Variants in SPINK9 observed in about 807,000 individuals in gnomAD.
SPINK9 encodes serine protease inhibitor Kazal-type 9.
A neutral mutation model predicts 10.8 loss-of-function variants in SPINK9; 3 were observed. The observed-to-expected ratio is 0.28, with a 90% CI of 0.13 to 0.72. SPINK9 has a LOEUF of 0.72. SPINK9 is among the 30% of genes least tolerant of loss of function. The pLI, the probability that SPINK9 is intolerant of heterozygous loss-of-function variation, is 0.74. For synonymous variants in SPINK9, 30 were observed against 31.2 expected (o/e 0.96, Z 0.12); for missense variants, 101 against 103.2 (o/e 0.98, Z 0.09).
At chr5:148,333,618 G>A (rs986330436), upstream of SPINK9, among the ~76,000 whole-genome samples, 1 of 152,206 alleles carries the variant, frequency 6.6e-6, no homozygotes, top group African/African-American at 2.4e-5. Flanking sequence ...TCTGGGTGTT[G>A]CCATGGCAAT....
chr5:148,327,477 T>A (rs1451093587), intron 2 of SPINK9, among the ~76,000 whole-genome samples: 1 of 152,194 alleles, frequency 6.6e-6, no homozygotes, highest in Admixed American at 6.5e-5. Context: ...CTGATGGTGG[T>A]TTCTTTTGCT....
At chr5:148,330,554 T>G (rs967060338) in intron 2 of SPINK9, among the ~76,000 whole-genome samples, 2 of 152,210 alleles carry the variant, frequency 1.3e-5, no homozygotes, top group African/African-American at 4.8e-5. Flanking sequence ...CACTATGATG[T>G]TAGCTGGTTA....
chr5:148,335,103 C>T (rs1370914172), upstream of SPINK9, among the ~76,000 whole-genome samples: 1 of 152,178 alleles, frequency 6.6e-6, no homozygotes, highest in African/African-American at 2.4e-5. Context: ...TCCAATTCTA[C>T]CTACAACACC....
At chr5:148,323,669 C>T in intron 1 of SPINK9, 1 of 537,836 alleles carries the variant, frequency 1.9e-6, no homozygotes. Context: ...TAAAATTTTA[C>T]CTTTTGAAGG....
At chr5:148,337,340 GCATA>G (rs1198530600) in intron 2 of SPINK9, among the ~76,000 whole-genome samples, 4 of 152,156 alleles carry the variant, frequency 2.6e-5, no homozygotes, top group Non-Finnish European at 4.4e-5. Context: ...ATTATGCCAT[GCATA>G]CCTATCTTTG....
chr5:148,333,795 A>C (rs1440623774), upstream of SPINK9, among the ~76,000 whole-genome samples: 3 of 152,100 alleles, frequency 2.0e-5, no homozygotes, highest in African/African-American at 7.2e-5. Context: ...TGAAAAACTT[A>C]TTTCTCTGTA....
At chr5:148,337,774 AT>A (rs574352421) in intron 2 of SPINK9, among the ~76,000 whole-genome samples, 59 of 152,246 alleles carry the variant, frequency 3.9e-4, no homozygotes, top group African/African-American at 1.4e-3. Flanking sequence ...AGGTAAAAAA[AT>A]TTTTACAGGG....
intron 3 of SPINK9, among the ~76,000 whole-genome samples, chr5:148,338,980 T>C (rs1757253502): frequency 6.6e-6 from 1 of 152,142 alleles, no homozygotes; most frequent in South Asian, 2.1e-4. Flanking sequence ...CATCCACATC[T>C]GGTAGAATGA....
At chr5:148,321,812 T>G (rs1417209373) in intron 1 of SPINK9, among the ~76,000 whole-genome samples, 1 of 152,172 alleles carries the variant, frequency 6.6e-6, no homozygotes, top group Non-Finnish European at 1.5e-5. Flanking sequence ...AATAAATAAT[T>G]GCAGGAAATA....
intron 2 of SPINK9, among the ~76,000 whole-genome samples, chr5:148,329,205 G>T (rs1311186432): frequency 2.6e-5 from 4 of 152,162 alleles, no homozygotes; most frequent in Non-Finnish European, 5.9e-5. Context: ...TCTATTCAGA[G>T]ATTCAACTTC....
At chr5:148,329,720 G>T (rs1757121545) in intron 2 of SPINK9, among the ~76,000 whole-genome samples, 1 of 152,018 alleles carries the variant, frequency 6.6e-6, no homozygotes, top group African/African-American at 2.4e-5. Context: ...GTTCTCGTTG[G>T]TTTCAAAGAA....
intron 2 of SPINK9, among the ~76,000 whole-genome samples, chr5:148,327,974 G>T (rs1455654696): frequency 6.6e-6 from 1 of 150,994 alleles, no homozygotes; most frequent in Non-Finnish European, 1.5e-5. Context: ...GCTTAGGATT[G>T]ACTTGGCAAT....
At position 148,338,487 on chromosome 5, in the gene SPINK9, A is replaced by C. The variant is rs746926787; in HGVS notation, c.97A>C (p.Ser33Arg). The C allele has an allele frequency of 1.9e-6, 3 of 1,601,810 alleles. No homozygotes were observed. Among genetic ancestry groups the C allele is most frequent in the Non-Finnish European group, 2.6e-6 (3 of 1,176,000 alleles). Residue 33 changes from serine (S) to arginine (R), a missense_variant, in exon 3 of 4, where the codon AGT becomes CGT. By Grantham distance (110) the Ser-to-Arg change is moderately radical. Coordinates refer to ENST00000377906, the MANE Select transcript of SPINK9 (RefSeq NM_001040433.2). ...AKQTKQMVDC[S>R]HYKKLPPGQQ... ...TAATATGTTTTTTCAGGTTGACTGC[A>C]GTCATTATAAAAAGTTACCACCAGG...
chr5:148,331,887 A>C (rs1403745242), upstream of SPINK9, among the ~76,000 whole-genome samples: 2 of 152,198 alleles, frequency 1.3e-5, no homozygotes, highest in East Asian at 3.9e-4. Flanking sequence ...AATATTGGAA[A>C]ATGTGAGTTT....
intron 2 of SPINK9, among the ~76,000 whole-genome samples, chr5:148,328,660 A>G (rs1190211492): frequency 6.6e-6 from 1 of 152,154 alleles, no homozygotes; most frequent in Non-Finnish European, 1.5e-5. Context: ...AGCCCTTATT[A>G]TTTTGAAATA....
rs1222042078 is a variant in SPINK9 at position 148,339,673 on chromosome 5, T to C, written c.222T>C (p.Thr74=). 1 of 1,612,724 alleles carries C rather than the reference T, an allele frequency of 6.2e-7. No homozygotes were observed. The highest frequency in any genetic ancestry group is 8.5e-7 in the Non-Finnish European group (1 of 1,179,322). The change falls in exon 4 of 4, where the codon ACT becomes ACC. Residue 74 remains threonine (T), a synonymous_variant. Transcript: ENST00000377906. ...TGCTATATTCTCTCCACAGGAAAACTGACGGCACACTTAAATTTGTACATT... is the reference window on the plus strand; with the variant it reads ...TGCTATATTCTCTCCACAGGAAAACCGACGGCACACTTAAATTTGTACATT... ...DCFFCSKVKK[T]DGTLKFVHFG...
chr5:148,335,575 C>A lies in SPINK9; in HGVS notation c.-39C>A. Reference sequence around the variant, plus strand: ...GAGCTGGACGGACACCAGGTCACTTCTTTTCCCTACATCTGACTGCCTTGG... The same window carrying A: ...GAGCTGGACGGACACCAGGTCACTTATTTTCCCTACATCTGACTGCCTTGG... On this transcript the variant is annotated 5_prime_UTR_variant, in exon 1 of 4. Coordinates refer to ENST00000377906, the MANE Select transcript of SPINK9 (RefSeq NM_001040433.2). 1 of 1,603,632 alleles carries A rather than the reference C, an allele frequency of 6.2e-7. No homozygotes were observed. The highest frequency in any genetic ancestry group is 8.5e-7 in the Non-Finnish European group (1 of 1,172,008).
intron 2 of SPINK9, among the ~76,000 whole-genome samples, chr5:148,338,086 A>G (rs2113424841): frequency 6.6e-6 from 1 of 152,244 alleles, no homozygotes; most frequent in East Asian, 1.9e-4. Flanking sequence ...TTGCATTCAT[A>G]TTGAGCTTTT....
At chr5:148,328,367 T>G (rs964764497) in intron 2 of SPINK9, among the ~76,000 whole-genome samples, 56 of 152,220 alleles carry the variant, frequency 3.7e-4, no homozygotes, top group African/African-American at 1.3e-3. Flanking sequence ...CCTGAGACTT[T>G]GCTGAAGTTG....
Sources: gnomAD v4.1 joint callset for allele counts (sites outside exome capture counted in the v4.1 genomes callset) on GRCh38, gnomAD v4.1.1 for gene constraint, MANE v1.5 for transcripts, NCBI Gene and HGNC (gene_info 2026-07-23, HGNC 2026-07-21) for gene names.